The following GIMAP6 variants were observed in gnomAD, a reference collection of about 807,000 sequenced individuals.
GIMAP6 encodes the protein GTPase, IMAP family member 6, also known as GTPase IMAP family member 6.
Under a neutral mutation model 9.3 loss-of-function variants are expected in GIMAP6, and 6 were observed. That is an observed-to-expected ratio of 0.65 (90% CI 0.35 to 1.27). The LOEUF (loss-of-function observed/expected upper bound fraction) is 1.27, where lower values mean the gene tolerates loss of function less well. Among genes scored for constraint, GIMAP6 ranks in the 50% most tolerant of loss-of-function variants. GIMAP6 has a pLI of 0.03. For synonymous variants in GIMAP6, 156 were observed against 151.1 expected (o/e 1.03, Z -0.24); for missense variants, 333 against 359.5 (o/e 0.93, Z 0.60).
rs1458328840 is a variant in GIMAP6 at position 150,628,197 on chromosome 7, C to T, written c.401G>A (p.Arg134Gln). 1.4e-5 allele frequency: 22 copies of T among 1,614,046 alleles called. No individual in the cohort carries two copies. Among genetic ancestry groups the T allele is most frequent in the African/African-American group, 2.7e-5 (2 of 74,944 alleles). Residue 134 changes from arginine (R) to glutamine (Q), a missense_variant, in exon 3 of 3, where the codon CGG (arginine) becomes CAG (glutamine). Physicochemically the swap from Arg to Gln is conservative, Grantham distance 43 (BLOSUM62 1). Coordinates refer to ENST00000328902, the MANE Select transcript of GIMAP6 (RefSeq NM_024711.6). ...CACCTGCTGATCCTCATCCGTGAAC[C>T]GGCCCAGTTGTGTCACCAGGAGCAC... ...HAVLLVTQLG[R>Q]FTDEDQQVVR...
In GIMAP6 at chr7:150,628,190, C is replaced by T. The variant is rs73727364; in HGVS notation, c.408G>A (p.Thr136=). Reference sequence around the variant, plus strand: ...GCCTGACCACCTGCTGATCCTCATCCGTGAACCGGCCCAGTTGTGTCACCA... The same window carrying T: ...GCCTGACCACCTGCTGATCCTCATCTGTGAACCGGCCCAGTTGTGTCACCA... ...VLLVTQLGRF[T]DEDQQVVRRL... Residue 136 remains threonine (T), a synonymous_variant, in exon 3 of 3, where the codon ACG becomes ACA. Transcript: ENST00000328902. The T allele has an allele frequency of 2.5e-4, 404 of 1,614,178 alleles. No homozygotes were observed. The African/African-American group carries it at 4.2e-3, about 17-fold the overall frequency.
intron 2 of GIMAP6, 122 bp downstream of exon 2, chr7:150,629,936 C>T (rs3735082): frequency 0.44 from 314,157 of 713,994 alleles, 70,001 homozygotes; most frequent in East Asian, 0.54. Context: ...GTGGCTGAGG[C>T]GGGTAAATTT....
In GIMAP6 at chr7:150,628,086, C is replaced by A. The variant is rs751062815; in HGVS notation, c.512G>T (p.Gly171Val). The change falls in exon 3 of 3, where the codon GGC becomes GTC. Residue 171 changes from glycine (G) to valine (V), a missense_variant. Gly to Val is a moderately radical substitution (Grantham distance 109). Coordinates refer to ENST00000328902, the MANE Select transcript of GIMAP6 (RefSeq NM_024711.6). ...VFTRKEDLAG[G>V]SLEDYVRETN... ...CTCTCGCACATAGTCTTCCAGGGAGCCGCCAGCCAGGTCTTCCTTCCGGGT... is the reference window on the plus strand; with the variant it reads ...CTCTCGCACATAGTCTTCCAGGGAGACGCCAGCCAGGTCTTCCTTCCGGGT... The A allele has an allele frequency of 6.2e-7, 1 of 1,614,168 alleles. No individual in the cohort carries two copies. The highest frequency in any genetic ancestry group is 8.5e-7 in the Non-Finnish European group (1 of 1,180,012).
chr7:150,628,786 T>C (rs1184854427), intron 2 of GIMAP6: 6 of 1,401,678 alleles, frequency 4.3e-6, no homozygotes, highest in Non-Finnish European at 5.6e-6. Flanking sequence ...GGTTTTTAGA[T>C]ATGACTGGGG....
chr7:150,629,956 G>A (rs1796362957), intron 2 of GIMAP6, 102 bp downstream of exon 2: 1 of 796,418 alleles, frequency 1.3e-6, no homozygotes, highest in Non-Finnish European at 2.0e-6. Context: ...TCTGTGACTG[G>A]GGGACGTCAG....
At chr7:150,631,553 C>T (rs1373566861) in intron 1 of GIMAP6, among the ~76,000 whole-genome samples, 2 of 152,326 alleles carry the variant, frequency 1.3e-5, no homozygotes, top group African/African-American at 2.4e-5. Context: ...AACGGGCAGG[C>T]AGCTTAACAG....
chr7:150,627,922 T>C lies in GIMAP6; in HGVS notation c.676A>G (p.Asn226Asp). The change falls in exon 3 of 3, where the codon AAC becomes GAC. Residue 226 changes from asparagine to aspartate, a missense_variant. Transcript: ENST00000328902. ...TTGTTGCTGTAATAATCTCCTTCGT[T>C]TTCCCACATAATGGCTTCAACTTTC... ...MEKVEAIMWE[N>D]EGDYYSNKAY... 1.2e-6 allele frequency: 2 copies of C among 1,614,236 alleles called. No individual in the cohort carries two copies. Among genetic ancestry groups the C allele is most frequent in the East Asian group, 2.2e-5 (1 of 44,880 alleles).
chr7:150,630,324 G>A (rs1473354742), intron 1 of GIMAP6, among the ~76,000 whole-genome samples, 182 bp from the exon 2 acceptor site: 1 of 152,088 alleles, frequency 6.6e-6, no homozygotes, highest in Non-Finnish European at 1.5e-5. Flanking sequence ...GCTGGCTTTA[G>A]GGACCCTATT....
chr7:150,628,488 G>T lies in GIMAP6; in HGVS notation c.110C>A (p.Thr37Asn). The T allele has an allele frequency of 6.2e-7, 1 of 1,613,948 alleles. No homozygotes were observed. Among genetic ancestry groups the T allele is most frequent in the Non-Finnish European group, 8.5e-7 (1 of 1,180,036 alleles). ...SGGLREKEQK[T>N]PRRLRLILMG... ...GAGAATGAGCCTCAGTCTCCTTGGG[G>T]TCTTCTGTTCTTTCTCCCTTAGACC... The change falls in exon 3 of 3, where the codon ACC (threonine) becomes AAC (asparagine). Residue 37 changes from threonine to asparagine, a missense_variant. Physicochemically the swap from Thr to Asn is moderately conservative, Grantham distance 65 (BLOSUM62 0). Transcript: ENST00000328902.
chr7:150,630,065 C>A lies in GIMAP6; in HGVS notation c.78G>T (p.Leu26=). Residue 26 remains leucine (L), a synonymous_variant, in exon 2 of 3, where the codon CTG becomes CTT. Coordinates refer to ENST00000328902, the MANE Select transcript of GIMAP6 (RefSeq NM_024711.6). ...TCTCCTCATTCATTTTACCTCCTGA[C>A]AGCTCCAGCACAGGATCCTGGGACA... is the stretch of plus-strand genomic sequence containing the variant. ...EELSQDPVLE[L]SGGLREKEQK... is the part of the protein sequence containing the mutation. 6.3e-7 allele frequency: 1 copy of A among 1,591,730 alleles called. No individual in the cohort carries two copies. Among genetic ancestry groups the A allele is most frequent in the Non-Finnish European group, 8.5e-7 (1 of 1,170,678 alleles).
At chr7:150,630,231 G>A in intron 1 of GIMAP6, 89 bp from the exon 2 acceptor site, 1 of 1,093,306 alleles carries the variant, frequency 9.1e-7, no homozygotes, top group Admixed American at 2.6e-5. Flanking sequence ...CCTTTCTCTT[G>A]CCAGAGGAAA....
Position 150,630,988 on chromosome 7 carries a change from A to T in GIMAP6, c.1-846T>A, listed in dbSNP as rs533274022. On this transcript the variant is annotated intron_variant, in intron 1 of 2. Transcript: ENST00000328902. The stretch of plus-strand genomic sequence containing the variant: ...GACTAACACAGTTCTCTGTGCCAAG[A>T]TCCCATAAGGTTCTCTCTGCTGGAT... Among the ~76,000 whole-genome samples the T allele has an allele frequency of 1.6e-3, 251 of 152,196 alleles. 1 individual carries two copies. Among genetic ancestry groups the T allele is most frequent in the African/African-American group, 5.3e-3 (222 of 41,508 alleles).
chr7:150,628,017 C>T lies in GIMAP6; in HGVS notation c.581G>A (p.Arg194Gln), dbSNP rs142353229. The change falls in exon 3 of 3, where the codon CGG becomes CAG. Residue 194 changes from arginine to glutamine, a missense_variant. By Grantham distance (43) the Arg-to-Gln change is conservative. Transcript: ENST00000328902. ...ALAWLDVTLARRHCGFNNRAQ... is the reference protein window; with the variant it reads ...ALAWLDVTLAQRHCGFNNRAQ... ...CCTGTTGTTGAAGCCGCAATGGCGC[C>T]GTGCAAGGGTCACATCCAGCCAGGC... 39 of 1,614,242 alleles carry T rather than the reference C, an allele frequency of 2.4e-5. No homozygotes were observed. Among genetic ancestry groups the T allele is most frequent in the Admixed American group, 1.7e-4 (10 of 60,032 alleles).
chr7:150,630,228 C>A, intron 1 of GIMAP6, 86 bp from the exon 2 acceptor site: 1 of 1,121,280 alleles, frequency 8.9e-7, no homozygotes. Flanking sequence ...TCGCCTTTCT[C>A]TTGCCAGAGG....
intron 1 of GIMAP6, among the ~76,000 whole-genome samples, chr7:150,630,399 C>G (rs1237076699): frequency 2.0e-5 from 3 of 151,928 alleles, no homozygotes; most frequent in Non-Finnish European, 2.9e-5. Flanking sequence ...AGAGATTTTA[C>G]AGATAAAGGT....
chr7:150,626,559 G>A lies in GIMAP6; in HGVS notation c.*1160C>T, dbSNP rs3735086. 27,833 of 152,074 alleles carry A rather than the reference G, an allele frequency of 0.18. 2,989 individuals carry two copies. The highest frequency in any genetic ancestry group is 0.25 in the Admixed American group (3,837 of 15,280). The allele number at this position is 152,074 out of a possible 1,614,324, so 9.4% of individuals were successfully genotyped here. On this transcript the variant is annotated 3_prime_UTR_variant, in exon 3 of 3. Transcript: ENST00000328902. ...TCCAGTATCAGTACTTATAAACCCCGTCTGTAGGAACAGCCTTCCAGGAAA... is the reference window on the plus strand; with the variant it reads ...TCCAGTATCAGTACTTATAAACCCCATCTGTAGGAACAGCCTTCCAGGAAA...
rs1796319991 is a variant in GIMAP6, at chr7:150,627,794, C to A, written c.804G>T (p.Trp268Cys). ...GSEDVPGEES[W>C]LEGLSQIQKE... ...TCTGGATCTGGGACAGTCCTTCCAG[C>A]CAAGACTCCTCACCAGGCACGTCCT... Residue 268 changes from tryptophan to cysteine, a missense_variant, in exon 3 of 3, where the codon TGG becomes TGT. Coordinates refer to ENST00000328902, the MANE Select transcript of GIMAP6 (RefSeq NM_024711.6). The A allele has an allele frequency of 1.2e-6, 2 of 1,614,242 alleles. No individual in the cohort carries two copies. The highest frequency in any genetic ancestry group is 1.7e-6 in the Non-Finnish European group (2 of 1,180,032).
At chr7:150,629,949 G>T (rs186727372) in intron 2 of GIMAP6, 109 bp downstream of exon 2, 699 of 772,700 alleles carry the variant, frequency 9.0e-4, no homozygotes, top group Non-Finnish European at 1.2e-3. Context: ...GTAAATTTCT[G>T]TGACTGGGGG....
chr7:150,628,604 A>G, intron 2 of GIMAP6, 92 bp from the exon 3 acceptor site: 1 of 1,595,224 alleles, frequency 6.3e-7, no homozygotes, highest in Non-Finnish European at 8.5e-7. Flanking sequence ...GTACCCCCAG[A>G]CTGCAGGGGC....
Sources: allele counts gnomAD v4.1 joint callset (sites outside exome capture counted in the v4.1 genomes callset), GRCh38; gene constraint gnomAD v4.1.1; transcripts MANE v1.5; gene names NCBI Gene and HGNC (gene_info 2026-07-23, HGNC 2026-07-21).